Variants in ICE2 observed in about 807,000 individuals in gnomAD.
ICE2 encodes little elongation complex subunit 2.
In ICE2, 87 loss-of-function variants were observed where a neutral mutation model predicts 105.4. The observed-to-expected ratio is 0.83, with a 90% CI of 0.69 to 0.99. The LOEUF (loss-of-function observed/expected upper bound fraction) is 0.99, where lower values mean the gene tolerates loss of function less well. Ranked by LOEUF, ICE2 falls within the 50% of genes least tolerant of loss-of-function variation. ICE2 has a pLI of 0.00. For synonymous variants in ICE2, 399 were observed against 392.0 expected (o/e 1.02, Z -0.21); for missense variants, 1,323 against 1,146.7 (o/e 1.15, Z -2.22).
chr15:60,453,883 C>CCACCAA (rs1595786462), intron 8 of ICE2, 99 bp from the exon 9 acceptor site: 2 of 923,806 alleles, frequency 2.2e-6, no homozygotes, highest in East Asian at 4.9e-5. Context: ...AACAAAGAGA[C>CCACCAA]ACAGGAGAAT....
At chr15:60,459,793 A>G (rs973058629) in intron 5 of ICE2, among the ~76,000 whole-genome samples, 1 of 152,206 alleles carries the variant, frequency 6.6e-6, no homozygotes, top group Non-Finnish European at 1.5e-5. Context: ...TAAAAATTCA[A>G]GAGTAACCAC....
At chr15:60,443,964 T>C (rs978458252) in intron 11 of ICE2, among the ~76,000 whole-genome samples, 3 of 150,570 alleles carry the variant, frequency 2.0e-5, no homozygotes, top group African/African-American at 7.3e-5. Context: ...TAGCTGGGCA[T>C]GGGGCACATG....
intron 9 of ICE2, among the ~76,000 whole-genome samples, chr15:60,450,885 A>G (rs950324861): frequency 2.6e-5 from 4 of 152,252 alleles, no homozygotes; most frequent in African/African-American, 9.6e-5. Flanking sequence ...TACCAAATTT[A>G]GTAAAAAAGT....
chr15:60,445,681 C>T (rs1378626041), intron 11 of ICE2: 1 of 985,052 alleles, frequency 1.0e-6, no homozygotes, highest in African/African-American at 1.7e-5. Context: ...AAGTGAATTA[C>T]AATGTCCTTA....
rs149396486 is a variant in ICE2 at position 60,448,009 on chromosome 15, C to G, written c.2256G>C (p.Glu752Asp). 50 of 1,612,652 alleles carry G rather than the reference C, an allele frequency of 3.1e-5. No homozygotes were observed. Among genetic ancestry groups the G allele is most frequent in the Non-Finnish European group, 4.1e-5 (48 of 1,179,596 alleles). Residue 752 changes from glutamate (E) to aspartate (D), a missense_variant, in exon 11 of 16, where the codon GAG becomes GAC. By Grantham distance (45) the Glu-to-Asp change is conservative. Transcript: ENST00000261520. ...TCCGTTTTTTAGAACGTGGTCTTGT[C>G]TCTATCCTCTGGACACTGCAGCGTA... is the stretch of plus-strand genomic sequence containing the variant. Reference protein sequence around the residue: ...LLVRCSVQRIETRPRSKKRKK... With the variant: ...LLVRCSVQRIDTRPRSKKRKK...
At chr15:60,454,921 G>A (rs2141086881) in intron 8 of ICE2, 82 bp downstream of exon 8, 2 of 1,277,840 alleles carry the variant, frequency 1.6e-6, no homozygotes, top group East Asian at 2.5e-5. Context: ...TGTTCTCATT[G>A]TTCAACTCCT....
intron 11 of ICE2, 158 bp downstream of exon 11, chr15:60,447,812 G>C: frequency 1.8e-6 from 1 of 566,766 alleles, no homozygotes; most frequent in Non-Finnish European, 3.1e-6. Flanking sequence ...TATTAAAATC[G>C]ATCTCAGCAT....
intron 2 of ICE2, 96 bp from the exon 3 acceptor site, chr15:60,476,263 C>G: frequency 4.2e-6 from 3 of 712,036 alleles, no homozygotes; most frequent in Non-Finnish European, 4.8e-6. Context: ...AATTTCATAC[C>G]TTCTTACCCC....
intron 14 of ICE2, among the ~76,000 whole-genome samples, chr15:60,430,020 T>C (rs769999692): frequency 1.9e-4 from 29 of 152,162 alleles, no homozygotes; most frequent in Non-Finnish European, 2.9e-4. Flanking sequence ...GACAGAATAG[T>C]GGCCTCCTAG....
In ICE2 at chr15:60,442,562, T is replaced by C. The variant is rs754929758; in HGVS notation, c.2296-17A>G. On this transcript the variant is annotated splice_polypyrimidine_tract_variant and intron_variant, in intron 11 of 15. Coordinates refer to ENST00000261520, the MANE Select transcript of ICE2 (RefSeq NM_024611.6). ...TGGAAATTGCTGCAATGCAAAATTATACTTTTTCAAAGCTCTATTAATTTA... is the reference window on the plus strand; with the variant it reads ...TGGAAATTGCTGCAATGCAAAATTACACTTTTTCAAAGCTCTATTAATTTA... The C allele has an allele frequency of 1.1e-5, 17 of 1,555,912 alleles. 1 individual carries two copies. Among genetic ancestry groups the C allele is most frequent in the Non-Finnish European group, 1.4e-5 (16 of 1,156,968 alleles).
chr15:60,465,750 C>CT (rs201899350), intron 5 of ICE2, among the ~76,000 whole-genome samples: 17,361 of 126,968 alleles, frequency 0.14, 1,340 homozygotes, highest in Middle Eastern at 0.2. Context: ...ATACTTTATT[C>CT]TTTTTTTTTT....
chr15:60,466,738 T>C, intron 4 of ICE2, 25 bp from the exon 5 acceptor site: 2 of 1,557,104 alleles, frequency 1.3e-6, no homozygotes, highest in South Asian at 1.2e-5. Flanking sequence ...AGTAGACATG[T>C]CTTGGGATAA....
At chr15:60,453,536 A>G in intron 9 of ICE2, 67 bp downstream of exon 9, 1 of 1,571,790 alleles carries the variant, frequency 6.4e-7, no homozygotes, top group Non-Finnish European at 8.6e-7. Flanking sequence ...GATTTGCAAT[A>G]AAACTTTATG....
Position 60,449,816 on chromosome 15 carries a change from C to T in ICE2, c.1151G>A (p.Arg384Gln), listed in dbSNP as rs773401350. Reference protein sequence around the residue: ...MDMSCEVNECRKIESLENLYL... With the variant: ...MDMSCEVNECQKIESLENLYL... ...CAAGTTTTCAAGACTCTCAATTTTT[C>T]GGCACTCGTTGACTTCACAGGACAT... Residue 384 changes from arginine to glutamine, a missense_variant, in exon 10 of 16, where the codon CGA (arginine) becomes CAA (glutamine). Transcript: ENST00000261520. The T allele has an allele frequency of 6.8e-6, 11 of 1,613,022 alleles. No individual in the cohort carries two copies. Among genetic ancestry groups the T allele is most frequent in the South Asian group, 5.5e-5 (5 of 90,890 alleles).
chr15:60,442,500 A>G lies in ICE2; in HGVS notation c.2341T>C (p.Tyr781His). Residue 781 changes from tyrosine to histidine, a missense_variant, in exon 12 of 16, where the codon TAT becomes CAT. Coordinates refer to ENST00000261520, the MANE Select transcript of ICE2 (RefSeq NM_024611.6). ...VLPKVEYQAC[Y>H]GVEALTESEL... ...CTTTCAGTCAGAGCTTCAACTCCAT[A>G]ACAAGCTTGATACTCTACTTTTGGT... 6.3e-7 allele frequency: 1 copy of G among 1,593,190 alleles called. No homozygotes were observed. Among genetic ancestry groups the G allele is most frequent in the Non-Finnish European group, 8.5e-7 (1 of 1,175,094 alleles).
intron 15 of ICE2, among the ~76,000 whole-genome samples, chr15:60,424,571 G>A (rs372678601): frequency 2.3e-4 from 35 of 152,066 alleles, no homozygotes; most frequent in African/African-American, 3.6e-4. Flanking sequence ...CAGTTGGCGC[G>A]ATCTCTGCTC....
intron 3 of ICE2, 56 bp from the exon 4 acceptor site, chr15:60,468,378 A>C: frequency 7.6e-7 from 1 of 1,311,780 alleles, no homozygotes; most frequent in Non-Finnish European, 1.1e-6. Context: ...GATTACTATC[A>C]TGGAACTTCA....
chr15:60,436,051 G>A (rs553008665), intron 13 of ICE2, 92 bp downstream of exon 13: 63 of 535,272 alleles, frequency 1.2e-4, no homozygotes, highest in South Asian at 6.5e-4. Context: ...TAAAAGTCTT[G>A]AAAATAATTT....
At chr15:60,438,997 T>C (rs1000767880) in intron 12 of ICE2, 1 of 152,222 alleles carries the variant, frequency 6.6e-6, no homozygotes, top group Non-Finnish European at 1.5e-5. Context: ...AAAGCTTTTA[T>C]ATACAAGCGT....
Sources: gnomAD v4.1 joint callset for allele counts (sites outside exome capture counted in the v4.1 genomes callset) on GRCh38, gnomAD v4.1.1 for gene constraint, MANE v1.5 for transcripts, NCBI Gene and HGNC (gene_info 2026-07-23, HGNC 2026-07-21) for gene names.